DTNA: variants seen among roughly 807,000 people sequenced by gnomAD.
DTNA encodes the protein dystrobrevin alpha, also known as dystrophin-related protein 3.
Under a neutral mutation model 100.7 loss-of-function variants are expected in DTNA, and 43 were observed. The observed-to-expected ratio is 0.43, with a 90% confidence interval of 0.33 to 0.55. DTNA has a LOEUF of 0.55. Ranked by LOEUF, DTNA falls within the 20% of genes least tolerant of loss-of-function variation. DTNA has a pLI of 0.04. For missense variants in DTNA, 798 were observed against 953.9 expected (o/e 0.84, Z 2.15); for synonymous variants, 349 against 347.9 (o/e 1.00, Z -0.04).
intron 1 of DTNA, among the ~76,000 whole-genome samples, chr18:34,677,358 C>CA (rs955078706): frequency 5.3e-4 from 79 of 149,356 alleles, no homozygotes; most frequent in African/African-American, 1.7e-3. Flanking sequence ...TGGATCTGGA[C>CA]AAAAAAAAAG....
At chr18:34,681,921 A>G (rs540097384) in intron 1 of DTNA, among the ~76,000 whole-genome samples, 3 of 152,254 alleles carry the variant, frequency 2.0e-5, no homozygotes, top group Admixed American at 6.5e-5. Context: ...GTCATACAGA[A>G]TAGTTTCACT....
intron 1 of DTNA, among the ~76,000 whole-genome samples, chr18:34,623,688 C>T (rs143609023): frequency 4.7e-4 from 71 of 152,200 alleles, no homozygotes; most frequent in Admixed American, 9.8e-4. Flanking sequence ...ATGTGGCAGG[C>T]GGTGTGCTAT....
At chr18:34,788,757 G>C (rs1257490492) in intron 3 of DTNA, among the ~76,000 whole-genome samples, 2 of 152,166 alleles carry the variant, frequency 1.3e-5, no homozygotes, top group Non-Finnish European at 2.9e-5. Context: ...TGCACTTTGT[G>C]ATTCTTTTAC....
chr18:34,821,172 T>C (rs2095707312), intron 9 of DTNA: 1 of 610,202 alleles, frequency 1.6e-6, no homozygotes, highest in African/African-American at 1.8e-5. Context: ...AGCTTAGTTA[T>C]AAAATACGGA....
intron 1 of DTNA, among the ~76,000 whole-genome samples, chr18:34,745,260 A>C (rs941601383): frequency 1.3e-5 from 2 of 152,116 alleles, no homozygotes; most frequent in African/African-American, 2.4e-5. Context: ...ATGTTAAAGC[A>C]TACAAGCCTC....
At chr18:34,667,928 T>C (rs1490225866) in intron 1 of DTNA, among the ~76,000 whole-genome samples, 1 of 152,238 alleles carries the variant, frequency 6.6e-6, no homozygotes, top group East Asian at 1.9e-4. Flanking sequence ...ATCAGGATGA[T>C]GCTGGCCTCA....
chr18:34,742,790 G>A (rs1189309993), intron 1 of DTNA, among the ~76,000 whole-genome samples: 1 of 151,916 alleles, frequency 6.6e-6, no homozygotes, highest in Non-Finnish European at 1.5e-5. Flanking sequence ...CATGTGAAAT[G>A]CTGAGTACAG....
Position 34,890,640 on chromosome 18 carries a change from C to A in DTNA, c.*2906C>A. The A allele has an allele frequency of 1.2e-6, 1 of 852,752 alleles. No individual in the cohort carries two copies. The highest frequency in any genetic ancestry group is 1.7e-6 in the Non-Finnish European group (1 of 574,468). The allele number at this position is 852,752 out of a possible 1,614,324, so 52.8% of individuals were successfully genotyped here. ...GAGGAGGGGAGGAAGGTGAAATCTA[C>A]TGCATGGGATTCAGGAAACAGTTGT... On this transcript the variant is annotated 3_prime_UTR_variant, in exon 23 of 23. Transcript: ENST00000444659.
chr18:34,866,376 G>A (rs1375042473), intron 17 of DTNA: 41 of 1,388,934 alleles, frequency 3.0e-5, no homozygotes, highest in Non-Finnish European at 3.6e-5. Flanking sequence ...AAAAGGGAAC[G>A]AATTGTCATT....
In DTNA at chr18:34,848,300, C is replaced by A. The variant is rs2149869962; in HGVS notation, c.1351C>A (p.Leu451Ile). The change falls in exon 14 of 23, where the codon CTT becomes ATT. Residue 451 changes from leucine to isoleucine, a missense_variant. Physicochemically the swap from Leu to Ile is conservative, Grantham distance 5. This residue lies in a region of DTNA where 159 missense variants were observed against 201.2 expected (regional missense o/e 0.79). Transcript: ENST00000444659. The part of the protein sequence containing the change: ...NMLRNNPSCM[L>I]ESSNRLDEEH... ...TTCTTGCTTTGTTCTTAATAGCATG[C>A]TTGAGAGTTCAAACCGGCTTGATGA... 1 of 1,613,966 alleles carries A rather than the reference C, an allele frequency of 6.2e-7. No homozygotes were observed. Among genetic ancestry groups the A allele is most frequent in the Middle Eastern group, 1.7e-4 (1 of 6,060 alleles).
intron 1 of DTNA, among the ~76,000 whole-genome samples, chr18:34,584,355 A>G (rs1381964707): frequency 6.6e-6 from 1 of 152,216 alleles, no homozygotes; most frequent in Non-Finnish European, 1.5e-5. Flanking sequence ...GAGAACAGAA[A>G]GCTGTTACAT....
At chr18:34,635,961 G>A (rs1265421527) in intron 1 of DTNA, among the ~76,000 whole-genome samples, 1 of 150,938 alleles carries the variant, frequency 6.6e-6, no homozygotes, top group Admixed American at 6.6e-5. Context: ...TAGTTTGTCT[G>A]TCAGTCTTCT....
At chr18:34,743,788 A>G (rs1182532720) in intron 1 of DTNA, among the ~76,000 whole-genome samples, 1 of 152,056 alleles carries the variant, frequency 6.6e-6, no homozygotes, top group African/African-American at 2.4e-5. Context: ...ATCTTTTCCT[A>G]TCCTTCTTGT....
intron 1 of DTNA, among the ~76,000 whole-genome samples, chr18:34,510,069 T>TTGTGGGTG (rs1555787451): frequency 2.1e-5 from 3 of 144,960 alleles, no homozygotes. Context: ...GAGTGTAATT[T>TTGTGGGTG]TGTGTGTGTG....
In DTNA at chr18:34,824,984, G is replaced by A. The variant is rs16966029; in HGVS notation, c.1002-2609G>A. Among the ~76,000 whole-genome samples, 2,369 of 150,366 alleles carry A rather than the reference G, an allele frequency of 0.016. 58 individuals carry two copies. The highest frequency in any genetic ancestry group is 0.053 in the African/African-American group (2,187 of 40,930). On this transcript the variant is annotated intron_variant, in intron 9 of 22. Transcript: ENST00000444659. The stretch of plus-strand genomic sequence containing the variant: ...TCAATAGGATTTTTAAACAGGTTGC[G>A]GTACTAATACACACACATATACACA...
chr18:34,763,799 A>G (rs557668212), intron 2 of DTNA, among the ~76,000 whole-genome samples: 1 of 152,244 alleles, frequency 6.6e-6, no homozygotes, highest in African/African-American at 2.4e-5. Context: ...AATAATAACA[A>G]CTGCCATGAA....
At chr18:34,827,284 T>C (rs192044045) in intron 9 of DTNA, among the ~76,000 whole-genome samples, 1 of 152,258 alleles carries the variant, frequency 6.6e-6, no homozygotes, top group Admixed American at 6.6e-5. Flanking sequence ...AGCCACTACC[T>C]TCTTCAAAAT....
chr18:34,532,976 A>G (rs1001741795), intron 1 of DTNA, among the ~76,000 whole-genome samples: 3 of 152,054 alleles, frequency 2.0e-5, no homozygotes, highest in Admixed American at 6.6e-5. Flanking sequence ...TTACAATACC[A>G]TTAGTGCCAT....
intron 1 of DTNA, among the ~76,000 whole-genome samples, chr18:34,553,328 T>G (rs2045660372): frequency 6.6e-6 from 1 of 151,760 alleles, no homozygotes; most frequent in Non-Finnish European, 1.5e-5. Context: ...ATTTTGTAGG[T>G]TGCCCGTTCA....
Sources: allele counts gnomAD v4.1 joint callset (sites outside exome capture counted in the v4.1 genomes callset), GRCh38; gene constraint gnomAD v4.1.1; regional missense constraint gnomAD v4.1.1; transcripts MANE v1.5; gene names NCBI Gene and HGNC (gene_info 2026-07-23, HGNC 2026-07-21).